ZSWIM7: variants seen among roughly 807,000 people sequenced by gnomAD.
ZSWIM7 encodes the protein zinc finger SWIM domain-containing protein 7.
A neutral mutation model predicts 21.1 loss-of-function variants in ZSWIM7; 22 were observed. The ratio of observed to expected loss-of-function variants is 1.04; its 90% CI spans 0.74 to 1.49. The LOEUF (loss-of-function observed/expected upper bound fraction) is 1.49. Among genes scored for constraint, ZSWIM7 ranks in the 40% most tolerant of loss-of-function variants. The pLI, the probability that ZSWIM7 is intolerant of heterozygous loss-of-function variation, is 0.00. For synonymous variants in ZSWIM7, 67 were observed against 66.5 expected, an observed-to-expected ratio of 1.01 and a Z score of -0.04; for missense variants, 193 against 168.0, an observed-to-expected ratio of 1.15 and a Z score of -0.82.
At chr17:15,992,438 GCTT>G (rs1331176095) in intron 2 of ZSWIM7, among the ~76,000 whole-genome samples, 3 of 104,740 alleles carry the variant, frequency 2.9e-5, no homozygotes, top group African/African-American at 1.4e-4. Flanking sequence ...GAACAGCTAC[GCTT>G]TTTTTTTTTT....
At chr17:15,981,478 G>GA (rs371029764) in intron 3 of ZSWIM7, among the ~76,000 whole-genome samples, 3,832 of 148,592 alleles carry the variant, frequency 0.026, 155 homozygotes, top group African/African-American at 0.085. Flanking sequence ...TGGGGGGGGG[G>GA]AATCTCTCAT....
At chr17:15,991,898 G>T (rs983210018) in intron 2 of ZSWIM7, among the ~76,000 whole-genome samples, 1 of 114,198 alleles carries the variant, frequency 8.8e-6, no homozygotes, top group South Asian at 2.5e-4. Flanking sequence ...TCCTGGGACA[G>T]GTTTTGTTTT....
At chr17:15,983,392 G>GGT (rs1298942204) in intron 3 of ZSWIM7, among the ~76,000 whole-genome samples, 1 of 142,540 alleles carries the variant, frequency 7.0e-6, no homozygotes, top group Admixed American at 7.1e-5. Flanking sequence ...TTACAAATTA[G>GGT]GTGTTGAAAA....
At chr17:15,992,736 G>A (rs1237184376) in intron 2 of ZSWIM7, among the ~76,000 whole-genome samples, 1 of 152,066 alleles carries the variant, frequency 6.6e-6, no homozygotes, top group Non-Finnish European at 1.5e-5. Flanking sequence ...ATTGCGCCCG[G>A]CCAACAGCCA....
chr17:15,988,136 T>C (rs754051019), intron 2 of ZSWIM7, among the ~76,000 whole-genome samples: 16 of 152,152 alleles, frequency 1.1e-4, no homozygotes, highest in African/African-American at 3.9e-4. Context: ...CATATACATA[T>C]ATAGTATTGT....
intron 3 of ZSWIM7, among the ~76,000 whole-genome samples, chr17:15,985,935 G>T (rs779403369): frequency 6.6e-6 from 1 of 152,188 alleles, no homozygotes; most frequent in South Asian, 2.1e-4. Context: ...GGTACAAACT[G>T]CAAGTTCAGT....
chr17:15,987,206 T>C (rs904679022), intron 3 of ZSWIM7, 60 bp downstream of exon 3: 36 of 1,372,034 alleles, frequency 2.6e-5, no homozygotes, highest in Non-Finnish European at 3.0e-5. Context: ...TCTACAGAGA[T>C]GAAGAACATT....
intron 1 of ZSWIM7, among the ~76,000 whole-genome samples, chr17:15,996,332 C>G (rs1405959677): frequency 6.6e-6 from 1 of 151,768 alleles, no homozygotes; most frequent in African/African-American, 2.4e-5. Context: ...CAAAAAAACC[C>G]CACAACTTTT....
At chr17:15,979,801 C>T (rs1371688109) in intron 4 of ZSWIM7, among the ~76,000 whole-genome samples, 1 of 129,268 alleles carries the variant, frequency 7.7e-6, no homozygotes, top group Non-Finnish European at 1.7e-5. Context: ...GGGGCTGACC[C>T]CCCCACCTCC....
At chr17:15,998,230 C>T (rs1970589128) in intron 1 of ZSWIM7, among the ~76,000 whole-genome samples, 1 of 152,120 alleles carries the variant, frequency 6.6e-6, no homozygotes, top group Admixed American at 6.5e-5. Context: ...TCTGAGAGCC[C>T]AGAACAATTG....
chr17:15,980,171 CTG>C (rs1970338944), intron 4 of ZSWIM7: 1 of 149,620 alleles, frequency 6.7e-6, no homozygotes, highest in South Asian at 2.1e-4. Context: ...CTCTTAACTA[CTG>C]TGTTATACTT....
intron 1 of ZSWIM7, among the ~76,000 whole-genome samples, chr17:15,994,163 T>C (rs1381076963): frequency 6.6e-6 from 1 of 152,110 alleles, no homozygotes; most frequent in Non-Finnish European, 1.5e-5. Context: ...ATGCTGGCCA[T>C]GCTGGTCTTG....
chr17:15,978,078 A>G lies in ZSWIM7; in HGVS notation c.392T>C (p.Ile131Thr), dbSNP rs750514492. The G allele has an allele frequency of 1.2e-6, 2 of 1,614,044 alleles. No homozygotes were observed. The highest frequency in any genetic ancestry group is 1.7e-6 in the Non-Finnish European group (2 of 1,179,904). ...TTCTTGTTTCTTCTCCATCAATAATATGTCAGTCAACTGCTTGTCAGAGAC... is the reference window on the plus strand; with the variant it reads ...TTCTTGTTTCTTCTCCATCAATAATGTGTCAGTCAACTGCTTGTCAGAGAC... ...LSVSDKQLTD[I>T]LLMEKKQEA The change falls in exon 5 of 5, where the codon ATA (isoleucine) becomes ACA (threonine). Residue 131 changes from isoleucine (I) to threonine (T), a missense_variant. Physicochemically the swap from Ile to Thr is moderately conservative, Grantham distance 89. Coordinates refer to ENST00000399277, the MANE Select transcript of ZSWIM7 (RefSeq NM_001042697.2).
intron 2 of ZSWIM7, chr17:15,990,715 A>G (rs998605490): frequency 6.6e-6 from 1 of 152,244 alleles, no homozygotes; most frequent in African/African-American, 2.4e-5. Context: ...CAAACCAGCC[A>G]CATATACAAC....
rs977460201 is a variant in ZSWIM7 at position 15,977,885 on chromosome 17, G to A, written c.*162C>T. The A allele has an allele frequency of 8.2e-6, 5 of 607,686 alleles. No homozygotes were observed. The highest frequency in any genetic ancestry group is 2.6e-5 in the Admixed American group (1 of 37,760). 37.6% of individuals were successfully genotyped at this position (607,686 alleles called of 1,614,324 possible). A position where few individuals can be genotyped will look rare whatever the true frequency, so the allele number is the denominator to read the frequency against. ...CATACACAAACCCTCCACAGCCCAC[G>A]GCTCCAACCCACAGCACCTCCTGCA... On this transcript the variant is annotated 3_prime_UTR_variant, in exon 5 of 5. Transcript: ENST00000399277.
At chr17:15,992,606 A>C (rs1970500454) in intron 2 of ZSWIM7, among the ~76,000 whole-genome samples, 1 of 151,088 alleles carries the variant, frequency 6.6e-6, no homozygotes, top group African/African-American at 2.4e-5. Flanking sequence ...TGCTTGGCTA[A>C]TTTTGTATTT....
intron 1 of ZSWIM7, 94 bp from the exon 2 acceptor site, chr17:15,993,872 C>G (rs1028226820): frequency 4.4e-6 from 4 of 902,832 alleles, no homozygotes; most frequent in Admixed American, 4.5e-5. Flanking sequence ...AAAACACTTC[C>G]GTGTGTGATG....
intron 2 of ZSWIM7, among the ~76,000 whole-genome samples, chr17:15,990,168 C>T (rs1239810509): frequency 1.4e-5 from 2 of 143,318 alleles, no homozygotes; most frequent in Non-Finnish European, 3.0e-5. Flanking sequence ...TGCAGTGAGC[C>T]GGGATCGCGC....
intron 1 of ZSWIM7, among the ~76,000 whole-genome samples, chr17:15,998,005 G>A (rs1970581864): frequency 6.6e-6 from 1 of 152,122 alleles, no homozygotes. Context: ...GGAGGCTGAG[G>A]CAGGAGAATC....
Sources: allele counts gnomAD v4.1 joint callset (sites outside exome capture counted in the v4.1 genomes callset), GRCh38; gene constraint gnomAD v4.1.1; transcripts MANE v1.5; gene names NCBI Gene and HGNC (gene_info 2026-07-23, HGNC 2026-07-21).